HSPBP1: variants seen among roughly 807,000 people sequenced by gnomAD.
HSPBP1 encodes the protein hsp70-binding protein 1.
In HSPBP1, 31 loss-of-function variants were observed where a neutral mutation model predicts 41.7. That is an observed-to-expected ratio of 0.74 (90% CI 0.56 to 1.00). The LOEUF (loss-of-function observed/expected upper bound fraction) is 1.00, where lower values mean the gene tolerates loss of function less well. Ranked by LOEUF, HSPBP1 falls within the 50% of genes least tolerant of loss-of-function variation. The probability of loss-of-function intolerance (pLI) is 0.00; values close to 1 mark genes in which losing one functional copy is unlikely to be tolerated. For synonymous variants in HSPBP1, 199 were observed against 214.4 expected, an observed-to-expected ratio of 0.93 and a Z score of 0.63; for missense variants, 439 against 487.9, an observed-to-expected ratio of 0.90 and a Z score of 0.94.
chr19:55,275,307 GA>G (rs932676196), intron 3 of HSPBP1, among the ~76,000 whole-genome samples: 3 of 152,164 alleles, frequency 2.0e-5, no homozygotes, highest in Non-Finnish European at 4.4e-5. Flanking sequence ...CTAAAAAAAT[GA>G]AATACAGATT....
intron 5 of HSPBP1, 27 bp from the exon 6 acceptor site, chr19:55,266,009 G>A (rs1433187527): frequency 1.9e-6 from 3 of 1,577,362 alleles, no homozygotes; most frequent in South Asian, 1.1e-5. Context: ...AGGGGTCAGA[G>A]GGGCAGCCCC....
In HSPBP1 at chr19:55,272,344, C is replaced by T. The variant is rs1166680764; in HGVS notation, c.640+2054G>A. 6.6e-6 allele frequency among the ~76,000 whole-genome samples: 1 copy of T among 152,144 alleles called. No individual in the cohort carries two copies. Among genetic ancestry groups the T allele is most frequent in the Non-Finnish European group, 1.5e-5 (1 of 68,022 alleles). On this transcript the variant is annotated intron_variant, in intron 4 of 7. Coordinates refer to ENST00000433386, the MANE Select transcript of HSPBP1 (RefSeq NM_012267.5). The surrounding 1 kb of genome is among the most constrained non-coding windows in gnomAD (Gnocchi z 4.2). ...AGGAACACAGCACTGCCACCCGCCA[C>T]CACTCGGGGACCTTGCAGCATATGA... is the stretch of plus-strand genomic sequence containing the variant.
At chr19:55,264,879 C>T (rs1324866375) in intron 7 of HSPBP1, among the ~76,000 whole-genome samples, 1 of 152,082 alleles carries the variant, frequency 6.6e-6, no homozygotes, top group Non-Finnish European at 1.5e-5. Context: ...CCCAGGAGCC[C>T]CCAAGGGCAA....
chr19:55,276,913 C>T (rs907307739), intron 3 of HSPBP1, among the ~76,000 whole-genome samples: 5 of 152,088 alleles, frequency 3.3e-5, no homozygotes, highest in African/African-American at 1.2e-4. Context: ...CTGGGGGTTT[C>T]TCTCGGCCCA....
chr19:55,275,087 G>C (rs1568968603), intron 3 of HSPBP1, among the ~76,000 whole-genome samples: 1 of 152,200 alleles, frequency 6.6e-6, no homozygotes, highest in Non-Finnish European at 1.5e-5. Flanking sequence ...CAGGGACGCA[G>C]CTCTCTCCAA....
chr19:55,274,344 G>GCC, intron 4 of HSPBP1, 54 bp downstream of exon 4: 1 of 293,904 alleles, frequency 3.4e-6, no homozygotes, highest in African/African-American at 3.1e-5. Context: ...GGGCCCACCC[G>GCC]GCACCCCCCC....
Position 55,274,594 on chromosome 19 carries a change from C to G in HSPBP1, c.444G>C (p.Leu148=). ...ADFCQLSGMH[L]LVGRYLEAGA... ...CCGCCTCCAGGTACCGGCCCACCAG[C>G]AGGTGCATGCCAGACAGCTGGCAGA... is the stretch of plus-strand genomic sequence containing the variant. The change falls in exon 4 of 8, where the codon CTG becomes CTC. Residue 148 remains leucine (L), a synonymous_variant. Coordinates refer to ENST00000433386, the MANE Select transcript of HSPBP1 (RefSeq NM_012267.5). 6.2e-7 allele frequency: 1 copy of G among 1,607,674 alleles called. No individual in the cohort carries two copies. The highest frequency in any genetic ancestry group is 8.5e-7 in the Non-Finnish European group (1 of 1,179,434).
chr19:55,276,629 A>G (rs1456145064), intron 3 of HSPBP1, among the ~76,000 whole-genome samples: 1 of 152,158 alleles, frequency 6.6e-6, no homozygotes, highest in Non-Finnish European at 1.5e-5. Flanking sequence ...TGCTCAACAG[A>G]TATTTCCTGA....
intron 4 of HSPBP1, among the ~76,000 whole-genome samples, chr19:55,273,912 T>C (rs1257045253): frequency 7.7e-6 from 1 of 129,382 alleles, no homozygotes; most frequent in East Asian, 2.0e-4. Context: ...TGTCTCTATA[T>C]AGGTTAAATG....
chr19:55,277,645 C>T lies in HSPBP1; in HGVS notation c.412G>A (p.Ala138Thr), dbSNP rs368514742. 14 of 1,604,204 alleles carry T rather than the reference C, an allele frequency of 8.7e-6. No homozygotes were observed. Among genetic ancestry groups the T allele is most frequent in the Middle Eastern group, 2.2e-4 (1 of 4,526 alleles). Residue 138 changes from alanine (A) to threonine (T), a missense_variant, in exon 3 of 8, where the codon GCA becomes ACA. By Grantham distance (58) the Ala-to-Thr change is moderately conservative. Transcript: ENST00000433386. The part of the protein sequence containing the change: ...ADLCENMDNA[A>T]DFCQLSGMHL... Reference sequence around the variant, plus strand: ...CCTGGCGGGGGAAGCGGGGTACCTGCGGCATTGTCCATGTTCTCACACAGG... The same window carrying T: ...CCTGGCGGGGGAAGCGGGGTACCTGTGGCATTGTCCATGTTCTCACACAGG...
intron 3 of HSPBP1, among the ~76,000 whole-genome samples, chr19:55,276,530 C>T (rs1035881887): frequency 1.3e-5 from 2 of 152,156 alleles, no homozygotes; most frequent in African/African-American, 4.8e-5. Context: ...GTATCTTTGG[C>T]TTTCGTTCTC....
chr19:55,279,541 G>C lies in HSPBP1; in HGVS notation c.68C>G (p.Ser23Cys). The C allele has an allele frequency of 7.7e-7, 1 of 1,297,964 alleles. No individual in the cohort carries two copies. Among genetic ancestry groups the C allele is most frequent in the Non-Finnish European group, 1.0e-6 (1 of 961,780 alleles). 80.4% of individuals were successfully genotyped at this position (1,297,964 alleles called of 1,614,324 possible). A position where few individuals can be genotyped will look rare whatever the true frequency, so the allele number is the denominator to read the frequency against. ...GGAGCCGCCGCCGCCGCCCCCTGAA[G>C]AGCAACCCTGGGAGGCCGGGGGCAG... ...LALPPASQGC[S>C]SGGGGGGSSA... The change falls in exon 2 of 8, where the codon TCT becomes TGT. Residue 23 changes from serine to cysteine, a missense_variant. By Grantham distance (112) the Ser-to-Cys change is moderately radical. Coordinates refer to ENST00000433386, the MANE Select transcript of HSPBP1 (RefSeq NM_012267.5).
intron 7 of HSPBP1, among the ~76,000 whole-genome samples, chr19:55,264,969 C>T (rs2087733323): frequency 6.6e-6 from 1 of 151,840 alleles, no homozygotes; most frequent in Non-Finnish European, 1.5e-5. Flanking sequence ...CCCCCAGGCC[C>T]CTCCCCCTCA....
chr19:55,265,778 G>A (rs1040381954), intron 6 of HSPBP1, 108 bp downstream of exon 6: 19 of 697,510 alleles, frequency 2.7e-5, no homozygotes, highest in Middle Eastern at 2.4e-4. Context: ...TCCTCTCTAC[G>A]GGAAGGTCCC....
rs1045207950 is a variant in HSPBP1, at chr19:55,268,354, C to T, written c.641-2068G>A. Among the ~76,000 whole-genome samples, 6 of 152,028 alleles carry T rather than the reference C, an allele frequency of 3.9e-5. No homozygotes were observed. The highest frequency in any genetic ancestry group is 7.2e-5 in the African/African-American group (3 of 41,406). ...CTGAGGCAGGAGAATCATTTGAACC[C>T]GGGAGGTGGAGGTTGCAGTGAGCCG... is the stretch of plus-strand genomic sequence containing the variant. On this transcript the variant is annotated intron_variant, in intron 4 of 7. Coordinates refer to ENST00000433386, the MANE Select transcript of HSPBP1 (RefSeq NM_012267.5). The surrounding 1 kb of genome is among the most constrained non-coding windows in gnomAD (Gnocchi z 4.5).
intron 7 of HSPBP1, among the ~76,000 whole-genome samples, chr19:55,263,214 C>G (rs1420356065): frequency 6.6e-6 from 1 of 152,178 alleles, no homozygotes; most frequent in African/African-American, 2.4e-5. Flanking sequence ...TGAGAACGAA[C>G]AGTTCACAAG....
chr19:55,265,552 CT>C (rs1313995006), intron 6 of HSPBP1, among the ~76,000 whole-genome samples, 163 bp from the exon 7 acceptor site: 4 of 152,096 alleles, frequency 2.6e-5, no homozygotes, highest in East Asian at 1.9e-4. Flanking sequence ...CACGCTGCCC[CT>C]GGCCCAGGGT....
At chr19:55,262,879 C>T (rs2087683348) in intron 7 of HSPBP1, among the ~76,000 whole-genome samples, 197 bp from the exon 8 acceptor site, 2 of 152,202 alleles carry the variant, frequency 1.3e-5, no homozygotes, top group South Asian at 4.1e-4. Context: ...ACTACTTGAA[C>T]TAGAACCCGG....
In HSPBP1 at chr19:55,265,905, C is replaced by T. The variant is rs767455698; in HGVS notation, c.874G>A (p.Val292Met). 18 of 1,607,280 alleles carry T rather than the reference C, an allele frequency of 1.1e-5. No individual in the cohort carries two copies. The highest frequency in any genetic ancestry group is 5.1e-5 in the Admixed American group (3 of 59,096). ...RTEHSPFHEH[V>M]LGALCSLVTD... ...AAGTACCTGCACAGGGCTCCAAGCA[C>T]GTGCTCGTGGAAGGGGCTGTGCTCT... The change falls in exon 6 of 8, where the codon GTG becomes ATG. Residue 292 changes from valine (V) to methionine (M), a missense_variant. Physicochemically the swap from Val to Met is conservative, Grantham distance 21. Transcript: ENST00000433386.
Sources: gnomAD v4.1 joint callset for allele counts (sites outside exome capture counted in the v4.1 genomes callset) on GRCh38, gnomAD v4.1.1 for gene constraint, Gnocchi (gnomAD v3.1) non-coding constraint, MANE v1.5 for transcripts, NCBI Gene and HGNC (gene_info 2026-07-23, HGNC 2026-07-21) for gene names.